The following CNTN5 variants were observed in gnomAD, a reference collection of about 807,000 sequenced individuals.
CNTN5 encodes contactin-5.
A neutral mutation model predicts 129.1 loss-of-function variants in CNTN5; 77 were observed. The ratio of observed to expected loss-of-function variants is 0.60; its 90% CI spans 0.50 to 0.72. CNTN5 has a LOEUF of 0.72. Among genes scored for constraint, CNTN5 ranks in the 30% least tolerant of loss-of-function variants. The probability of loss-of-function intolerance (pLI) is 0.00; values close to 1 mark genes in which losing one functional copy is unlikely to be tolerated. For missense variants in CNTN5, 1,478 were observed against 1,328.8 expected (o/e 1.11, Z -1.75); for synonymous variants, 509 against 465.6 (o/e 1.09, Z -1.20).
At chr11:99,508,297 G>T (rs566770769) in intron 2 of CNTN5, among the ~76,000 whole-genome samples, 1 of 152,010 alleles carries the variant, frequency 6.6e-6, no homozygotes, top group African/African-American at 2.4e-5. Context: ...TATGTTAAGC[G>T]CCTGCCTTTC....
At chr11:99,800,659 G>C (rs191459713) in intron 3 of CNTN5, among the ~76,000 whole-genome samples, 2 of 152,162 alleles carry the variant, frequency 1.3e-5, no homozygotes, top group African/African-American at 4.8e-5. Flanking sequence ...TTGTTAAATT[G>C]AACTTTTTAT....
At chr11:99,181,184 A>G (rs182265872) in intron 1 of CNTN5, among the ~76,000 whole-genome samples, 1 of 152,210 alleles carries the variant, frequency 6.6e-6, no homozygotes, top group East Asian at 1.9e-4. Flanking sequence ...ATTATCCTGG[A>G]TGTTGAATGT....
chr11:100,124,312 CTAT>C (rs908205422), intron 13 of CNTN5, among the ~76,000 whole-genome samples: 32 of 152,010 alleles, frequency 2.1e-4, no homozygotes, highest in African/African-American at 7.5e-4. Context: ...ATCCCCTTTC[CTAT>C]TATTTGTGCA....
chr11:99,393,048 T>A (rs1269645935), intron 2 of CNTN5, among the ~76,000 whole-genome samples: 3 of 151,758 alleles, frequency 2.0e-5, no homozygotes, highest in Non-Finnish European at 4.4e-5. Context: ...TTAAGTGGTT[T>A]AAAAACATTT....
chr11:99,112,623 T>C (rs1857852277), intron 1 of CNTN5, among the ~76,000 whole-genome samples: 1 of 151,986 alleles, frequency 6.6e-6, no homozygotes, highest in Non-Finnish European at 1.5e-5. Flanking sequence ...ATGAATGATA[T>C]TAAGTTTTGA....
At chr11:100,107,953 T>G (rs2138098655) in intron 13 of CNTN5, among the ~76,000 whole-genome samples, 1 of 151,442 alleles carries the variant, frequency 6.6e-6, no homozygotes, top group South Asian at 2.1e-4. Flanking sequence ...GAGAGCTGAG[T>G]CAAATTTACC....
chr11:99,882,038 A>C (rs1279891173), intron 6 of CNTN5, among the ~76,000 whole-genome samples: 1 of 152,184 alleles, frequency 6.6e-6, no homozygotes, highest in East Asian at 1.9e-4. Context: ...TTTAGCACTG[A>C]AATTGTGGAG....
At chr11:100,004,298 CTTTTT>C (rs570893144) in intron 9 of CNTN5, among the ~76,000 whole-genome samples, 1 of 151,756 alleles carries the variant, frequency 6.6e-6, no homozygotes, top group South Asian at 2.1e-4. Context: ...GCATGTCAAA[CTTTTT>C]TTTTGTCTTG....
At chr11:99,530,801 C>A (rs904396187) in intron 2 of CNTN5, among the ~76,000 whole-genome samples, 2 of 152,164 alleles carry the variant, frequency 1.3e-5, no homozygotes, top group Non-Finnish European at 1.5e-5. Context: ...TCTCTTACTG[C>A]CACAGTGTAA....
At chr11:100,324,014 TG>T (rs1383968853) in intron 21 of CNTN5, among the ~76,000 whole-genome samples, 1 of 152,186 alleles carries the variant, frequency 6.6e-6, no homozygotes, top group Non-Finnish European at 1.5e-5. Flanking sequence ...TCAAAACTTT[TG>T]TTCTTTCATT....
chr11:100,149,624 A>G (rs1474834228), intron 13 of CNTN5, among the ~76,000 whole-genome samples: 1 of 152,016 alleles, frequency 6.6e-6, no homozygotes, highest in East Asian at 1.9e-4. Context: ...CAGGTGCGGT[A>G]GCTCACACCT....
chr11:99,171,537 T>A (rs1303641008), intron 1 of CNTN5, among the ~76,000 whole-genome samples: 1 of 152,184 alleles, frequency 6.6e-6, no homozygotes. Flanking sequence ...ATTTACCTGC[T>A]CTATGTCCTG....
chr11:100,156,954 G>A (rs1947264998), intron 13 of CNTN5, among the ~76,000 whole-genome samples: 2 of 151,914 alleles, frequency 1.3e-5, no homozygotes, highest in South Asian at 4.1e-4. Flanking sequence ...TGGATTCACA[G>A]ATTTTTTGAA....
At chr11:100,211,956 GATC>G (rs1949042157) in intron 15 of CNTN5, among the ~76,000 whole-genome samples, 1 of 152,024 alleles carries the variant, frequency 6.6e-6, no homozygotes, top group Non-Finnish European at 1.5e-5. Flanking sequence ...ACACAGGTGA[GATC>G]ATATCATGGA....
chr11:99,506,592 T>C (rs1332333399), intron 2 of CNTN5, among the ~76,000 whole-genome samples: 3 of 69,832 alleles, frequency 4.3e-5, no homozygotes, highest in Non-Finnish European at 8.5e-5. Context: ...ATAGTGTTTG[T>C]ATAGTAAAAG....
At chr11:99,138,827 C>T (rs1264725541) in intron 1 of CNTN5, among the ~76,000 whole-genome samples, 1 of 151,992 alleles carries the variant, frequency 6.6e-6, no homozygotes, top group Non-Finnish European at 1.5e-5. Flanking sequence ...AAATATGGGC[C>T]TCAGAAAACA....
chr11:99,400,513 C>A (rs1941748193), intron 2 of CNTN5, among the ~76,000 whole-genome samples: 2 of 152,008 alleles, frequency 1.3e-5, no homozygotes, highest in Non-Finnish European at 2.9e-5. Context: ...CTGTTGATGG[C>A]GATTGTGAAC....
chr11:99,967,707 C>T (rs1279668661), intron 8 of CNTN5, among the ~76,000 whole-genome samples: 2 of 152,044 alleles, frequency 1.3e-5, no homozygotes, highest in Admixed American at 6.6e-5. Context: ...TTTTCCGAGC[C>T]GTAATTCCTC....
intron 2 of CNTN5, among the ~76,000 whole-genome samples, chr11:99,461,155 A>T (rs1431175845): frequency 2.0e-5 from 3 of 152,092 alleles, no homozygotes; most frequent in Non-Finnish European, 4.4e-5. Context: ...AAATTATTTT[A>T]AAATGTAGAT....
Sources: allele counts gnomAD v4.1 joint callset (sites outside exome capture counted in the v4.1 genomes callset), GRCh38; gene constraint gnomAD v4.1.1; transcripts MANE v1.5; gene names NCBI Gene and HGNC (gene_info 2026-07-23, HGNC 2026-07-21).